Variants in PCDHGB4 observed in about 807,000 individuals in gnomAD.
PCDHGB4 encodes the protein protocadherin gamma subfamily B, 4.
Under a neutral mutation model 60.5 loss-of-function variants are expected in PCDHGB4, and 38 were observed. That is an observed-to-expected ratio of 0.63 (90% confidence interval 0.48 to 0.82). The LOEUF (loss-of-function observed/expected upper bound fraction) is 0.82, where lower values mean the gene tolerates loss of function less well. Ranked by LOEUF, PCDHGB4 falls within the 40% of genes least tolerant of loss-of-function variation. PCDHGB4 has a pLI of 0.00. For synonymous variants in PCDHGB4, 456 were observed against 509.7 expected, an observed-to-expected ratio of 0.89 and a Z score of 1.42; for missense variants, 1,109 against 1,209.6, an observed-to-expected ratio of 0.92 and a Z score of 1.23.
At position 141,453,908 on chromosome 5, in the gene PCDHGB4, A is replaced by T. The variant is rs1198219869; in HGVS notation, c.2398-40899A>T. On this transcript the variant is annotated intron_variant, in intron 1 of 3. Transcript: ENST00000519479. ...CCAATCACATGACTTCTTTCAAAGT[A>T]TGTCAGTGATCAGTCACTGTGTGCC... Among the ~76,000 whole-genome samples, 4 of 152,242 alleles carry T rather than the reference A, an allele frequency of 2.6e-5. No homozygotes were observed. The East Asian group carries it at 5.8e-4, about 22-fold the overall frequency.
chr5:141,458,825 C>A (rs1417477907), intron 1 of PCDHGB4, among the ~76,000 whole-genome samples: 1 of 152,102 alleles, frequency 6.6e-6, no homozygotes, highest in Non-Finnish European at 1.5e-5. Context: ...CTCTGCCTCC[C>A]AGGCTCAAGT....
chr5:141,431,536 G>T lies in PCDHGB4; in HGVS notation c.2397+41255G>T. Reference sequence around the variant, plus strand: ...TTCCGGAGAATCTGGCCTTGGGCACGCAGCTGCTTGTAGTCAACGCTACCG... The same window carrying T: ...TTCCGGAGAATCTGGCCTTGGGCACTCAGCTGCTTGTAGTCAACGCTACCG... On this transcript the variant is annotated intron_variant, in intron 1 of 3. Coordinates refer to ENST00000519479, the MANE Select transcript of PCDHGB4 (RefSeq NM_003736.4). The surrounding 1 kb of genome is among the most constrained non-coding windows in gnomAD (Gnocchi z 4.8). 6.2e-7 allele frequency: 1 copy of T among 1,614,068 alleles called. No homozygotes were observed. Among genetic ancestry groups the T allele is most frequent in the Non-Finnish European group, 8.5e-7 (1 of 1,180,022 alleles).
At chr5:141,402,474 G>T (rs2094271773) in intron 1 of PCDHGB4, among the ~76,000 whole-genome samples, 1 of 152,122 alleles carries the variant, frequency 6.6e-6, no homozygotes, top group South Asian at 2.1e-4. Flanking sequence ...GAAATAGAGT[G>T]CAAAGTTCTA....
rs994740663 is a variant in PCDHGB4, at chr5:141,477,022, G to T, written c.2398-17785G>T. ...TATTCGCCTTAGACCTTGTAACCGG[G>T]ATGCTGACAATCAAGGGTCGGCTGG... On this transcript the variant is annotated intron_variant, in intron 1 of 3. Transcript: ENST00000519479. The surrounding 1 kb of genome is among the most constrained non-coding windows in gnomAD (Gnocchi z 4.9). 6.2e-7 allele frequency: 1 copy of T among 1,614,240 alleles called. No homozygotes were observed. Among genetic ancestry groups the T allele is most frequent in the African/African-American group, 1.3e-5 (1 of 75,074 alleles).
chr5:141,450,776 C>G (rs757791026), intron 1 of PCDHGB4, among the ~76,000 whole-genome samples: 1 of 151,440 alleles, frequency 6.6e-6, no homozygotes, highest in Non-Finnish European at 1.5e-5. Flanking sequence ...CATGAGCCAC[C>G]GTGCCCGGAC....
rs374042624 is a variant in PCDHGB4, at chr5:141,394,490, G to A, written c.2397+4209G>A. The A allele has an allele frequency of 3.7e-6, 6 of 1,614,058 alleles. No individual in the cohort carries two copies. In the Admixed American group the frequency reaches 5.0e-5, roughly 13 times the overall value. ...TCGTGCTGGACCAGAATGACAACGCGCCCGAGATCCTGTACCCCGCCCTCC... is the reference window on the plus strand; with the variant it reads ...TCGTGCTGGACCAGAATGACAACGCACCCGAGATCCTGTACCCCGCCCTCC... On this transcript the variant is annotated intron_variant, in intron 1 of 3. Transcript: ENST00000519479.
intron 1 of PCDHGB4, chr5:141,404,040 G>C (rs1373988780): frequency 6.2e-7 from 1 of 1,613,692 alleles, no homozygotes; most frequent in Non-Finnish European, 8.5e-7. Flanking sequence ...GCACCTCAGG[G>C]AACAGTAATT....
Position 141,388,424 on chromosome 5 carries a change from GA to G in PCDHGB4, c.541del (p.Ile181Ter). 6.2e-7 allele frequency: 1 copy of G among 1,613,812 alleles called. No individual in the cohort carries two copies. The highest frequency in any genetic ancestry group is 1.3e-5 in the African/African-American group (1 of 75,038). On this transcript the variant is annotated frameshift_variant, in exon 1 of 4. Coordinates refer to ENST00000519479, the MANE Select transcript of PCDHGB4 (RefSeq NM_003736.4). LOFTEE classifies it high-confidence loss of function. Reference protein sequence around the residue: ...QLSPSDHFSLINKEKSDGSKY... With the variant: ...QLSPSDHFSLXNKEKSDGSKY... ...TCAGTCCCAGTGATCATTTCTCACT[GA>G]TAAATAAAGAGAAATCAGATGGCAG...
intron 3 of PCDHGB4, among the ~76,000 whole-genome samples, chr5:141,505,782 T>A (rs1163025757): frequency 6.6e-6 from 1 of 152,204 alleles, no homozygotes; most frequent in Non-Finnish European, 1.5e-5. Context: ...CTAGCTCTGC[T>A]ACTATCCTTG....
At chr5:141,465,184 A>G (rs866520508) in intron 1 of PCDHGB4, among the ~76,000 whole-genome samples, 2 of 152,130 alleles carry the variant, frequency 1.3e-5, no homozygotes, top group Admixed American at 6.5e-5. Flanking sequence ...ATTTAATTAA[A>G]AGATAAAAAT....
rs1243958567 is a variant in PCDHGB4, at chr5:141,418,557, T to C, written c.2397+28276T>C. 4.3e-6 allele frequency: 7 copies of C among 1,613,860 alleles called. No homozygotes were observed. The East Asian group carries it at 1.6e-4, about 36-fold the overall frequency. On this transcript the variant is annotated intron_variant, in intron 1 of 3. Coordinates refer to ENST00000519479, the MANE Select transcript of PCDHGB4 (RefSeq NM_003736.4). ...ACTGCTCAGATAAGAATCCTGGTAA[T>C]AGATGCCAATGACAACCCCCCAGTG... is the stretch of plus-strand genomic sequence containing the variant.
At chr5:141,419,086 C>G (rs2096324558) in intron 1 of PCDHGB4, 1 of 1,613,808 alleles carries the variant, frequency 6.2e-7, no homozygotes, top group African/African-American at 1.3e-5. Context: ...CAGATGAGGC[C>G]CTGGATCGGG....
intron 1 of PCDHGB4, among the ~76,000 whole-genome samples, chr5:141,463,460 T>TTTC (rs1554144872): frequency 7.4e-6 from 1 of 136,038 alleles, no homozygotes; most frequent in South Asian, 2.5e-4. Context: ...TTTTTTTTTT[T>TTTC]TTTTTTGAGA....
chr5:141,423,119 G>A (rs769320490), intron 1 of PCDHGB4: 1 of 1,613,774 alleles, frequency 6.2e-7, no homozygotes, highest in South Asian at 1.1e-5. Context: ...CGTACAGCGC[G>A]GGCACTGCTG....
At chr5:141,482,755 T>TGA (rs1554165462) in intron 1 of PCDHGB4, among the ~76,000 whole-genome samples, 1 of 143,580 alleles carries the variant, frequency 7.0e-6, no homozygotes, top group Admixed American at 6.9e-5. Context: ...GGGATTATGG[T>TGA]ATTTCATTAT....
Position 141,486,812 on chromosome 5 carries a change from A to G in PCDHGB4, c.2398-7995A>G, listed in dbSNP as rs781747283. 6.2e-7 allele frequency: 1 copy of G among 1,614,226 alleles called. No individual in the cohort carries two copies. The highest frequency in any genetic ancestry group is 8.5e-7 in the Non-Finnish European group (1 of 1,180,046). ...GGATCGGGGCAACCCACCCCTTAGC[A>G]GCACTGTAACAGTTCGTCTATTTGT... On this transcript the variant is annotated intron_variant, in intron 1 of 3. Transcript: ENST00000519479. This position sits in a 1 kb window ranked among gnomAD's most constrained non-coding sequence, Gnocchi z 5.0.
chr5:141,393,947 G>C, intron 1 of PCDHGB4: 1 of 1,613,972 alleles, frequency 6.2e-7, no homozygotes, highest in South Asian at 1.1e-5. Context: ...ACTCTGGAAA[G>C]AATGGTCAAG....
chr5:141,472,183 A>G (rs2099273731), intron 1 of PCDHGB4, among the ~76,000 whole-genome samples: 1 of 152,190 alleles, frequency 6.6e-6, no homozygotes, highest in South Asian at 2.1e-4. Flanking sequence ...CCAGTATTGG[A>G]ATTTGAATCT....
chr5:141,395,053 A>T (rs1210765378), intron 1 of PCDHGB4: 1 of 1,614,062 alleles, frequency 6.2e-7, no homozygotes, highest in East Asian at 2.2e-5. Context: ...GAGGAGGTAC[A>T]GGCTTTCCTG....
Sources: allele counts gnomAD v4.1 joint callset (sites outside exome capture counted in the v4.1 genomes callset), GRCh38; gene constraint gnomAD v4.1.1; non-coding constraint Gnocchi (gnomAD v3.1); transcripts MANE v1.5; gene names NCBI Gene and HGNC (gene_info 2026-07-23, HGNC 2026-07-21).